Variants in PKD1L3 observed in about 807,000 individuals in gnomAD.
PKD1L3 encodes polycystin-1-like protein 3.
In PKD1L3, 239 loss-of-function variants were observed where a neutral mutation model predicts 184.1. The ratio of observed to expected loss-of-function variants is 1.30; its 90% CI spans 1.17 to 1.45. The LOEUF is 1.45. Among genes scored for constraint, PKD1L3 ranks in the 40% most tolerant of loss-of-function variants. PKD1L3 has a pLI of 0.00. For synonymous variants in PKD1L3, 996 were observed against 778.8 expected, an observed-to-expected ratio of 1.28 and a Z score of -4.64; for missense variants, 2,660 against 2,067.2, an observed-to-expected ratio of 1.29 and a Z score of -5.56.
intron 18 of PKD1L3, 68 bp downstream of exon 18, chr16:71,952,826 A>G (rs1466753181): frequency 1.4e-6 from 2 of 1,469,580 alleles, no homozygotes; most frequent in African/African-American, 2.9e-5. Context: ...CAACAGAGCC[A>G]GACCCTATGT....
intron 3 of PKD1L3, among the ~76,000 whole-genome samples, chr16:71,991,750 G>A (rs1254567496): frequency 6.6e-6 from 1 of 152,198 alleles, no homozygotes; most frequent in Non-Finnish European, 1.5e-5. Flanking sequence ...ATGTGTATAT[G>A]TAGCATCATG....
In PKD1L3 at chr16:71,982,107, G is replaced by C; in HGVS notation, c.1095C>G (p.Thr365=). 3 of 1,551,324 alleles carry C rather than the reference G, an allele frequency of 1.9e-6. No individual in the cohort carries two copies. The highest frequency in any genetic ancestry group is 2.6e-6 in the Non-Finnish European group (3 of 1,146,894). ...VCPFHSLNNV[T]KAGEGSWLES... ...CCAGCCAACTTCCTTCTCCAGCTTT[G>C]GTGACATTGTTGAGGGAATGAAAGG... The change falls in exon 7 of 30, where the codon ACC becomes ACG. Residue 365 remains threonine (T), a synonymous_variant. Coordinates refer to ENST00000620267, the MANE Select transcript of PKD1L3 (RefSeq NM_181536.2).
At chr16:71,976,023 C>T (rs1306951062) in intron 11 of PKD1L3, among the ~76,000 whole-genome samples, 4 of 151,696 alleles carry the variant, frequency 2.6e-5, no homozygotes, top group Admixed American at 2.6e-4. Context: ...TCTCAGCTCA[C>T]TGCAACCTCT....
intron 15 of PKD1L3, 62 bp downstream of exon 15, chr16:71,967,072 ATCT>A (rs1271997996): frequency 2.8e-6 from 4 of 1,453,214 alleles, no homozygotes; most frequent in East Asian, 5.0e-5. Flanking sequence ...TATTGTGGTG[ATCT>A]TCTTTCTTCT....
At chr16:71,942,532 G>C in intron 24 of PKD1L3, 28 bp downstream of exon 24, 1 of 1,520,982 alleles carries the variant, frequency 6.6e-7, no homozygotes. Flanking sequence ...GCTACGTGTG[G>C]TTGAATTCCA....
chr16:71,976,584 G>A (rs970567474), intron 11 of PKD1L3, among the ~76,000 whole-genome samples: 10 of 151,800 alleles, frequency 6.6e-5, no homozygotes, highest in African/African-American at 2.2e-4. Flanking sequence ...ATAACTGCAT[G>A]TGAATCTACA....
intron 5 of PKD1L3, among the ~76,000 whole-genome samples, chr16:71,984,400 C>T (rs931417779): frequency 6.6e-6 from 1 of 152,148 alleles, no homozygotes; most frequent in African/African-American, 2.4e-5. Context: ...ATGATTGCTC[C>T]AAGGGCAAAT....
At chr16:71,997,170 G>C (rs1597383878) in intron 2 of PKD1L3, among the ~76,000 whole-genome samples, 1 of 152,058 alleles carries the variant, frequency 6.6e-6, no homozygotes, top group East Asian at 1.9e-4. Context: ...TTCCAGTTTT[G>C]TTCTGTTATG....
chr16:71,980,165 G>C (rs2040094783), intron 7 of PKD1L3, 31 bp from the exon 8 acceptor site: 1 of 1,547,216 alleles, frequency 6.5e-7, no homozygotes, highest in Non-Finnish European at 8.7e-7. Context: ...TGTGTGACTT[G>C]TAAAACCTCA....
chr16:71,999,784 T>A lies in PKD1L3; in HGVS notation c.195A>T (p.Glu65Asp), dbSNP rs1167014931. The change falls in exon 1 of 30, where the codon GAA becomes GAT. Residue 65 changes from glutamate to aspartate, a missense_variant. Physicochemically the swap from Glu to Asp is conservative, Grantham distance 45. Coordinates refer to ENST00000620267, the MANE Select transcript of PKD1L3 (RefSeq NM_181536.2). ...RGFLAHIWNKEVQDLIRDYLE... is the reference protein window; with the variant it reads ...RGFLAHIWNKDVQDLIRDYLE... Reference sequence around the variant, plus strand: ...GATAGTCCCGGATGAGATCTTGAACTTCCTTGTTCCAAATATGAGCTAGGA... The same window carrying A: ...GATAGTCCCGGATGAGATCTTGAACATCCTTGTTCCAAATATGAGCTAGGA... The A allele has an allele frequency of 6.4e-7, 1 of 1,551,788 alleles. No homozygotes were observed. The highest frequency in any genetic ancestry group is 2.0e-5 in the Admixed American group (1 of 51,000).
At chr16:71,995,132 G>A (rs2040739602) in intron 2 of PKD1L3, among the ~76,000 whole-genome samples, 1 of 152,150 alleles carries the variant, frequency 6.6e-6, no homozygotes, top group African/African-American at 2.4e-5. Flanking sequence ...CGTCCAAGAA[G>A]AAGGCACTGG....
intron 22 of PKD1L3, among the ~76,000 whole-genome samples, chr16:71,945,600 T>G (rs2038572909): frequency 6.6e-6 from 1 of 151,228 alleles, no homozygotes; most frequent in Non-Finnish European, 1.5e-5. Flanking sequence ...ACTGCTTGAA[T>G]CTGGGAGGCA....
chr16:71,940,334 T>C (rs530869807), intron 24 of PKD1L3, among the ~76,000 whole-genome samples: 1 of 152,188 alleles, frequency 6.6e-6, no homozygotes, highest in Admixed American at 6.5e-5. Flanking sequence ...TGCTGCATGG[T>C]GAGACACTTC....
chr16:71,942,449 CTT>C, intron 24 of PKD1L3, 109 bp downstream of exon 24: 1 of 922,488 alleles, frequency 1.1e-6, no homozygotes, highest in Non-Finnish European at 1.6e-6. Flanking sequence ...ATTTACCTCT[CTT>C]GTACTCTTCC....
At chr16:71,986,913 GAT>G (rs2040390846) in intron 4 of PKD1L3, among the ~76,000 whole-genome samples, 2 of 105,674 alleles carry the variant, frequency 1.9e-5, no homozygotes, top group Non-Finnish European at 1.6e-5. Flanking sequence ...GTAAGGAGAG[GAT>G]TTTTTTTTTT....
intron 25 of PKD1L3, among the ~76,000 whole-genome samples, chr16:71,936,824 A>G (rs941883208): frequency 4.6e-5 from 7 of 152,072 alleles, no homozygotes; most frequent in Non-Finnish European, 7.4e-5. Context: ...GCTTGGTATT[A>G]CTTCATATAG....
intron 15 of PKD1L3, among the ~76,000 whole-genome samples, chr16:71,964,892 G>C (rs1487679921): frequency 6.6e-6 from 1 of 150,536 alleles, no homozygotes; most frequent in Non-Finnish European, 1.5e-5. Flanking sequence ...TGTTGCCCAG[G>C]CTGGAGTGCA....
At chr16:71,979,008 G>A (rs1043301613) in intron 9 of PKD1L3, among the ~76,000 whole-genome samples, 1 of 152,124 alleles carries the variant, frequency 6.6e-6, no homozygotes, top group Non-Finnish European at 1.5e-5. Flanking sequence ...TATTTTACTA[G>A]GAAGTAACTG....
intron 1 of PKD1L3, among the ~76,000 whole-genome samples, 195 bp downstream of exon 1, chr16:71,999,489 C>A (rs1305446883): frequency 6.6e-6 from 1 of 152,070 alleles, no homozygotes; most frequent in Non-Finnish European, 1.5e-5. Flanking sequence ...GGAAAAATTG[C>A]ATCATTTTTG....
Sources: allele counts gnomAD v4.1 joint callset (sites outside exome capture counted in the v4.1 genomes callset), GRCh38; gene constraint gnomAD v4.1.1; transcripts MANE v1.5; gene names NCBI Gene and HGNC (gene_info 2026-07-23, HGNC 2026-07-21).